The following KLHL29 variants were observed in gnomAD, a reference collection of about 807,000 sequenced individuals.
KLHL29 encodes the protein kelch like family member 29.
A neutral mutation model predicts 80.4 loss-of-function variants in KLHL29; 21 were observed. That is an observed-to-expected ratio of 0.26 (90% CI 0.19 to 0.38). KLHL29 has a LOEUF of 0.38. Ranked by LOEUF, KLHL29 falls within the 10% of genes least tolerant of loss-of-function variation. The pLI, the probability that KLHL29 is intolerant of heterozygous loss-of-function variation, is 1.00. For missense variants in KLHL29, 867 were observed against 1,223.9 expected (o/e 0.71, Z 4.35); for synonymous variants, 511 against 526.8 (o/e 0.97, Z 0.41).
Position 23,684,526 on chromosome 2 carries a change from C to T in KLHL29, c.1068C>T (p.Asp356=). ...VLASCSLYFK[D]LIQRSVQDSG... ...CTTCCTGCAGCTTGTATTTCAAGGA[C>T]CTGATTCAAAGGTTTGCCTTCCTTC... The change falls in exon 6 of 14, where the codon GAC becomes GAT. Residue 356 remains aspartate (D), a synonymous_variant. Transcript: ENST00000486442. The surrounding 1 kb of genome is among the most constrained non-coding windows in gnomAD (Gnocchi z 4.4). 2.6e-6 allele frequency: 4 copies of T among 1,547,798 alleles called. No homozygotes were observed. Among genetic ancestry groups the T allele is most frequent in the Non-Finnish European group, 1.7e-6 (2 of 1,145,930 alleles).
At chr2:23,563,932 C>G (rs898588078) in intron 3 of KLHL29, among the ~76,000 whole-genome samples, 5 of 152,246 alleles carry the variant, frequency 3.3e-5, no homozygotes, top group African/African-American at 1.2e-4. Context: ...ACATTCCTCC[C>G]CTGGGCGCCA....
At chr2:23,424,529 A>G (rs1383041937) in intron 1 of KLHL29, among the ~76,000 whole-genome samples, 1 of 152,196 alleles carries the variant, frequency 6.6e-6, no homozygotes, top group Non-Finnish European at 1.5e-5. Flanking sequence ...GAGCCACCCC[A>G]AGTTAATGAG....
At chr2:23,545,701 G>A (rs1229677012) in intron 2 of KLHL29, among the ~76,000 whole-genome samples, 1 of 152,208 alleles carries the variant, frequency 6.6e-6, no homozygotes, top group East Asian at 1.9e-4. Flanking sequence ...ACTGCTCCTG[G>A]GGACGAGTCA....
In KLHL29 at chr2:23,642,481, C is replaced by T. The variant is rs1669796701; in HGVS notation, c.571C>T (p.Pro191Ser). 2 of 1,517,722 alleles carry T rather than the reference C, an allele frequency of 1.3e-6. No homozygotes were observed. The highest frequency in any genetic ancestry group is 1.8e-6 in the Non-Finnish European group (2 of 1,128,074). 94.0% of individuals were successfully genotyped at this position (1,517,722 alleles called of 1,614,324 possible). A position where few individuals can be genotyped will look rare whatever the true frequency, so the allele number is the denominator to read the frequency against. The change falls in exon 5 of 14, where the codon CCC becomes TCC. Residue 191 changes from proline (P) to serine (S), a missense_variant. Pro to Ser is a moderately conservative substitution (Grantham distance 74). This residue lies in a region of KLHL29 where 424 missense variants were observed against 456.9 expected (regional missense o/e 0.93). Coordinates refer to ENST00000486442, the MANE Select transcript of KLHL29 (RefSeq NM_052920.2). ...PVIGVTPSLP[P>S]HVGPQLPLMP... ...CATTGGGGTGACCCCCTCACTGCCT[C>T]CCCACGTGGGGCCCCAGCTCCCGCT...
chr2:23,394,768 G>A (rs1470846758), intron 1 of KLHL29, among the ~76,000 whole-genome samples: 1 of 152,198 alleles, frequency 6.6e-6, no homozygotes, highest in African/African-American at 2.4e-5. Flanking sequence ...ATGATTTCAA[G>A]TACCTTCAGA....
At chr2:23,485,020 C>G (rs13028083) in intron 2 of KLHL29, among the ~76,000 whole-genome samples, 8,477 of 152,270 alleles carry the variant, frequency 0.056, 285 homozygotes, top group African/African-American at 0.09. Context: ...CTCCCTGGCA[C>G]CCTTGTAGTA....
In KLHL29 at chr2:23,411,965, C is replaced by T. The variant is rs17045320; in HGVS notation, c.-154+26185C>T. Among the ~76,000 whole-genome samples, 377 of 152,200 alleles carry T rather than the reference C, an allele frequency of 2.5e-3. 3 individuals are homozygous for T. Among genetic ancestry groups the T allele is most frequent in the African/African-American group, 8.4e-3 (348 of 41,512 alleles). On this transcript the variant is annotated intron_variant, in intron 1 of 13. Transcript: ENST00000486442. ...TTCCTTTGGGCATGTCTGACTTCTA[C>T]GCTTCTTAGGAAATGTAGCAAAGGT...
intron 3 of KLHL29, among the ~76,000 whole-genome samples, chr2:23,638,528 G>A (rs1214048122): frequency 1.3e-5 from 2 of 152,156 alleles, no homozygotes; most frequent in South Asian, 4.1e-4. Flanking sequence ...AGCAGTATCT[G>A]AGCTATCCCC....
At position 23,696,731 on chromosome 2, in the gene KLHL29, G is replaced by A. The variant is rs370064661; in HGVS notation, c.2105+218G>A. On this transcript the variant is annotated intron_variant, in intron 11 of 13. Coordinates refer to ENST00000486442, the MANE Select transcript of KLHL29 (RefSeq NM_052920.2). The surrounding 1 kb of genome is among the most constrained non-coding windows in gnomAD (Gnocchi z 5.5). ...TGACATCTGTGTCACCTTTGCAGTC[G>A]CTGAGATGGGAGATGGGGCGCTTCT... 5 of 485,800 alleles carry A rather than the reference G, an allele frequency of 1.0e-5. No individual in the cohort carries two copies. The highest frequency in any genetic ancestry group is 7.5e-5 in the East Asian group (2 of 26,532). 30.1% of individuals were successfully genotyped at this position (485,800 alleles called of 1,614,324 possible). A position where few individuals can be genotyped will look rare whatever the true frequency, so the allele number is the denominator to read the frequency against.
chr2:23,386,623 G>A (rs1321953235), intron 1 of KLHL29, among the ~76,000 whole-genome samples: 1 of 152,008 alleles, frequency 6.6e-6, no homozygotes, highest in African/African-American at 2.4e-5. Context: ...GATGGCCTCG[G>A]GGGGCCGGGG....
At chr2:23,400,484 AT>A (rs935206861) in intron 1 of KLHL29, among the ~76,000 whole-genome samples, 1 of 152,076 alleles carries the variant, frequency 6.6e-6, no homozygotes, top group Admixed American at 6.5e-5. Context: ...GTGTCTCCTC[AT>A]TTCCCCAATG....
intron 3 of KLHL29, among the ~76,000 whole-genome samples, chr2:23,605,659 A>G (rs894729611): frequency 2.0e-5 from 3 of 152,326 alleles, no homozygotes; most frequent in African/African-American, 7.2e-5. Context: ...CCTAGCCTCT[A>G]GGCCCAAAAG....
chr2:23,398,553 T>A (rs1028281455), intron 1 of KLHL29, among the ~76,000 whole-genome samples: 2 of 152,242 alleles, frequency 1.3e-5, no homozygotes, highest in Admixed American at 1.3e-4. Context: ...CAAAACAATA[T>A]GCATGTAGGT....
intron 2 of KLHL29, among the ~76,000 whole-genome samples, chr2:23,536,779 T>C (rs1666675220): frequency 6.6e-6 from 1 of 152,110 alleles, no homozygotes; most frequent in South Asian, 2.1e-4. Flanking sequence ...CTGTTTATGT[T>C]CTGGTTGATG....
At chr2:23,492,762 T>C (rs1665140890) in intron 2 of KLHL29, among the ~76,000 whole-genome samples, 1 of 152,102 alleles carries the variant, frequency 6.6e-6, no homozygotes, top group Non-Finnish European at 1.5e-5. Flanking sequence ...GTGATATCCT[T>C]AGAGAAGGGG....
intron 1 of KLHL29, among the ~76,000 whole-genome samples, chr2:23,412,728 G>A (rs1017618849): frequency 4.6e-5 from 7 of 152,278 alleles, no homozygotes; most frequent in Non-Finnish European, 7.4e-5. Context: ...GCAACACTGC[G>A]GAAATCCTCT....
At chr2:23,581,963 C>A (rs931179564) in intron 3 of KLHL29, among the ~76,000 whole-genome samples, 9 of 151,926 alleles carry the variant, frequency 5.9e-5, no homozygotes, top group Non-Finnish European at 1.3e-4. Context: ...GGGTTGCTTT[C>A]TGATTACCTT....
intron 2 of KLHL29, among the ~76,000 whole-genome samples, chr2:23,544,756 A>T (rs560910596): frequency 6.6e-6 from 1 of 152,314 alleles, no homozygotes; most frequent in South Asian, 2.1e-4. Flanking sequence ...GGCCCGGCAC[A>T]GGGAGCAGTG....
intron 1 of KLHL29, among the ~76,000 whole-genome samples, chr2:23,415,699 CTTT>C (rs1450041396): frequency 6.6e-6 from 1 of 151,474 alleles, no homozygotes; most frequent in African/African-American, 2.4e-5. Flanking sequence ...TAAAGGTAGT[CTTT>C]TTATTTTTTT....
Sources: gnomAD v4.1 joint callset for allele counts (sites outside exome capture counted in the v4.1 genomes callset) on GRCh38, gnomAD v4.1.1 for gene constraint, gnomAD v4.1.1 regional missense constraint, Gnocchi (gnomAD v3.1) non-coding constraint, MANE v1.5 for transcripts, NCBI Gene and HGNC (gene_info 2026-07-23, HGNC 2026-07-21) for gene names.